SEMA5A: variants seen among roughly 807,000 people sequenced by gnomAD.
SEMA5A encodes semaphorin 5A.
A neutral mutation model predicts 135.5 loss-of-function variants in SEMA5A; 55 were observed. The ratio of observed to expected loss-of-function variants is 0.41; its 90% confidence interval spans 0.33 to 0.51. The LOEUF is 0.51. SEMA5A is among the 20% of genes least tolerant of loss of function. The pLI is 0.37. For missense variants in SEMA5A, 1,290 were observed against 1,419.9 expected (o/e 0.91, Z 1.47); for synonymous variants, 580 against 546.5 (o/e 1.06, Z -0.85).
chr5:9,189,848 C>T (rs533740372), intron 11 of SEMA5A, among the ~76,000 whole-genome samples: 7 of 152,342 alleles, frequency 4.6e-5, no homozygotes, highest in East Asian at 3.9e-4. Context: ...CCACCATCCA[C>T]GCAAATATTT....
chr5:9,047,041 A>ATAAAG (rs1332180986), intron 21 of SEMA5A, among the ~76,000 whole-genome samples: 1 of 147,336 alleles, frequency 6.8e-6, no homozygotes, highest in Non-Finnish European at 1.5e-5. Flanking sequence ...GGACAGACAG[A>ATAAAG]TAAAGTATCC....
intron 2 of SEMA5A, among the ~76,000 whole-genome samples, chr5:9,407,588 C>A (rs1579491221): frequency 6.6e-6 from 1 of 152,338 alleles, no homozygotes; most frequent in East Asian, 1.9e-4. Context: ...AGCTACCTGG[C>A]TGCATTTGCT....
chr5:9,236,340 C>T (rs746294192), intron 6 of SEMA5A, among the ~76,000 whole-genome samples: 9 of 152,146 alleles, frequency 5.9e-5, no homozygotes, highest in Non-Finnish European at 4.4e-5. Context: ...CCCCTCACTT[C>T]ATGTAAGTCT....
chr5:9,465,928 G>A (rs1411025105), intron 1 of SEMA5A, among the ~76,000 whole-genome samples: 1 of 152,230 alleles, frequency 6.6e-6, no homozygotes, highest in Non-Finnish European at 1.5e-5. Flanking sequence ...ACTGAAGTGA[G>A]AGAGTGAGAA....
intron 3 of SEMA5A, among the ~76,000 whole-genome samples, chr5:9,357,905 C>T (rs1032110542): frequency 3.3e-5 from 5 of 152,182 alleles, no homozygotes; most frequent in African/African-American, 1.2e-4. Context: ...CTTTAAACTA[C>T]AGTTATTTAA....
At chr5:9,063,683 C>A (rs531179002) in intron 17 of SEMA5A, among the ~76,000 whole-genome samples, 1 of 152,222 alleles carries the variant, frequency 6.6e-6, no homozygotes, top group Non-Finnish European at 1.5e-5. Context: ...GAACACAGCA[C>A]TGAGTGACAT....
chr5:9,347,937 G>A (rs1753948692), intron 3 of SEMA5A, among the ~76,000 whole-genome samples: 1 of 152,108 alleles, frequency 6.6e-6, no homozygotes, highest in South Asian at 2.1e-4. Flanking sequence ...TCTGAAACAG[G>A]GGTGGGATTA....
intron 1 of SEMA5A, among the ~76,000 whole-genome samples, chr5:9,483,347 A>G (rs1216824158): frequency 4.6e-5 from 7 of 152,064 alleles, no homozygotes; most frequent in African/African-American, 1.7e-4. Context: ...TTCTCGTCCT[A>G]TCTGCATAAT....
chr5:9,066,438 C>G lies in SEMA5A; in HGVS notation c.2282G>C (p.Ser761Thr). 6.2e-7 allele frequency: 1 copy of G among 1,614,232 alleles called. No homozygotes were observed. The highest frequency in any genetic ancestry group is 1.1e-5 in the South Asian group (1 of 91,084). Residue 761 changes from serine to threonine, a missense_variant, in exon 17 of 23, where the codon AGT (serine) becomes ACT (threonine). This residue lies in a region of SEMA5A where 1,029 missense variants were observed against 1,086.6 expected (regional missense o/e 0.95). Transcript: ENST00000382496. ...EMRYCSSDGT[S>T]GCSTDGLSGD... is the part of the protein sequence containing the mutation. ...CTACTCACCATCTGTGGAGCAGCCA[C>G]TGGTGCCGTCGCTAGAACAGTACCG...
At chr5:9,458,199 G>A (rs114563827) in intron 1 of SEMA5A, among the ~76,000 whole-genome samples, 4,048 of 151,164 alleles carry the variant, frequency 0.027, 81 homozygotes, top group Middle Eastern at 0.05. Flanking sequence ...GAGCCACCGC[G>A]CCTGGCCCAG....
intron 1 of SEMA5A, among the ~76,000 whole-genome samples, chr5:9,515,500 G>T (rs1392714659): frequency 1.3e-5 from 2 of 152,160 alleles, no homozygotes; most frequent in Non-Finnish European, 2.9e-5. Context: ...TATGGTTATG[G>T]CAATAGGGGA....
chr5:9,329,874 C>A (rs1408140412), intron 4 of SEMA5A, among the ~76,000 whole-genome samples: 3 of 152,188 alleles, frequency 2.0e-5, no homozygotes, highest in Admixed American at 6.5e-5. Context: ...CTATGCACAT[C>A]TTCCCATATA....
At chr5:9,188,037 T>C (rs1744902197) in intron 11 of SEMA5A, among the ~76,000 whole-genome samples, 1 of 152,186 alleles carries the variant, frequency 6.6e-6, no homozygotes, top group Admixed American at 6.5e-5. Flanking sequence ...CCCCCCAGGA[T>C]TCATATGTTG....
In SEMA5A at chr5:9,039,589, C is replaced by T. The variant is rs1735848421; in HGVS notation, c.*3308G>A. ...TACTTGAACAGGCTTAGGGAACCAT[C>T]CCTACAAACATGAAGAAGCTGAGAT... On this transcript the variant is annotated 3_prime_UTR_variant, in exon 23 of 23. Transcript: ENST00000382496. 6.6e-6 allele frequency: 1 copy of T among 152,252 alleles called. No homozygotes were observed. Among genetic ancestry groups the T allele is most frequent in the African/African-American group, 2.4e-5 (1 of 41,452 alleles). The allele number at this position is 152,252 out of a possible 1,614,324, so 9.4% of individuals were successfully genotyped here.
In SEMA5A at chr5:9,353,246, G is replaced by GGAAAGGAAGGA. The variant is rs1561177479; in HGVS notation, c.125-15435_125-15434insTCCTTCCTTTC. 1.1e-4 allele frequency among the ~76,000 whole-genome samples: 13 copies of GGAAAGGAAGGA among 118,134 alleles called. 1 individual carries two copies. Among genetic ancestry groups the GGAAAGGAAGGA allele is most frequent in the East Asian group, 6.0e-4 (2 of 3,318 alleles). The allele number at this position is 118,134 out of a possible 152,430, so 77.5% of individuals were successfully genotyped here. A position where few individuals can be genotyped will look rare whatever the true frequency, so the allele number is the denominator to read the frequency against. ...GAAAGGAAAGGAAAGGAAGGAAAGG[G>GGAAAGGAAGGA]AAGGGAAGGGAAGGGAAGCAAAGGA... is the stretch of plus-strand genomic sequence containing the variant. On this transcript the variant is annotated intron_variant, in intron 3 of 22. Transcript: ENST00000382496.
intron 4 of SEMA5A, among the ~76,000 whole-genome samples, chr5:9,321,506 A>G (rs1291060384): frequency 6.6e-6 from 1 of 152,174 alleles, no homozygotes. Context: ...CCTCTATACA[A>G]TCTCAGGAAG....
rs575689392 is a variant in SEMA5A, at chr5:9,037,794, G to C, written c.*5103C>G. 3.9e-4 allele frequency: 59 copies of C among 152,222 alleles called. No individual in the cohort carries two copies. Among genetic ancestry groups the C allele is most frequent in the African/African-American group, 1.4e-3 (57 of 41,564 alleles). 9.4% of individuals were successfully genotyped at this position (152,222 alleles called of 1,614,324 possible). On this transcript the variant is annotated 3_prime_UTR_variant, in exon 23 of 23. Coordinates refer to ENST00000382496, the MANE Select transcript of SEMA5A (RefSeq NM_003966.3). ...ACCTGAATTCCTTGGCTTAGTGTTT[G>C]TAGAGTTTAAAAAAAAATCTTTAAA...
At chr5:9,230,921 G>A (rs1747595236) in intron 6 of SEMA5A, among the ~76,000 whole-genome samples, 1 of 152,158 alleles carries the variant, frequency 6.6e-6, no homozygotes, top group East Asian at 1.9e-4. Flanking sequence ...CACCCAACTG[G>A]CTAAGGGCAT....
intron 11 of SEMA5A, among the ~76,000 whole-genome samples, chr5:9,165,546 G>A (rs1251870662): frequency 6.6e-6 from 1 of 152,188 alleles, no homozygotes; most frequent in East Asian, 1.9e-4. Context: ...CAAGGCTGGA[G>A]ATTCATGTGG....
Sources: gnomAD v4.1 joint callset for allele counts (sites outside exome capture counted in the v4.1 genomes callset) on GRCh38, gnomAD v4.1.1 for gene constraint, gnomAD v4.1.1 regional missense constraint, MANE v1.5 for transcripts, NCBI Gene and HGNC (gene_info 2026-07-23, HGNC 2026-07-21) for gene names.